The following IFITM10 variants were observed in gnomAD, a reference collection of about 807,000 sequenced individuals.
The protein encoded by IFITM10 is interferon induced transmembrane protein 10.
IFITM10 carries 17 observed loss-of-function variants against 19.0 expected under a neutral mutation model. The observed-to-expected ratio is 0.90, with a 90% CI of 0.61 to 1.34. IFITM10 has a LOEUF of 1.34. Ranked by LOEUF, IFITM10 falls within the 40% of genes most tolerant of loss-of-function variation. The pLI, the probability that IFITM10 is intolerant of heterozygous loss-of-function variation, is 0.00. For missense variants in IFITM10, 306 were observed against 319.8 expected, an observed-to-expected ratio of 0.96 and a Z score of 0.33; for synonymous variants, 148 against 147.2, an observed-to-expected ratio of 1.01 and a Z score of -0.04.
intron 2 of IFITM10, chr11:1,746,502 CAG>C: frequency 2.5e-6 from 1 of 398,438 alleles, no homozygotes. Context: ...GCCCCTGTGT[CAG>C]AGCCCAGGGA....
Position 1,735,355 on chromosome 11 carries a change from G to A in IFITM10, c.612C>T (p.Ile204=). 6.4e-7 allele frequency: 1 copy of A among 1,551,726 alleles called. No homozygotes were observed. The highest frequency in any genetic ancestry group is 1.2e-5 in the South Asian group (1 of 84,066). Reference sequence around the variant, plus strand: ...AGGAGGCTGCCAGGGCAGAACTGGTGATGTTGAACAGCCGGGCCGTCTTTG... The same window carrying A: ...AGGAGGCTGCCAGGGCAGAACTGGTAATGTTGAACAGCCGGGCCGTCTTTG... ...EDAKTARLFN[I]TSSALAASCI... The change falls in exon 3 of 3, where the codon ATC becomes ATT. Residue 204 remains isoleucine (I), a synonymous_variant. Coordinates refer to ENST00000340134, the MANE Select transcript of IFITM10 (RefSeq NM_001170820.4).
chr11:1,735,847 G>A (rs764478670), intron 2 of IFITM10, among the ~76,000 whole-genome samples: 13 of 152,160 alleles, frequency 8.5e-5, no homozygotes, highest in Non-Finnish European at 1.3e-4. Flanking sequence ...AGGATGGGGC[G>A]ACACAACTGT....
Position 1,734,706 on chromosome 11 carries a change from CG to C in IFITM10, c.*573del. 1 of 152,912 alleles carries C rather than the reference CG, an allele frequency of 6.5e-6. No homozygotes were observed. The highest frequency in any genetic ancestry group is 1.5e-5 in the Non-Finnish European group (1 of 68,504). The allele number at this position is 152,912 out of a possible 1,614,324, so 9.5% of individuals were successfully genotyped here. A position where few individuals can be genotyped will look rare whatever the true frequency, so the allele number is the denominator to read the frequency against. On this transcript the variant is annotated 3_prime_UTR_variant, in exon 3 of 3. Transcript: ENST00000340134. The stretch of plus-strand genomic sequence containing the variant: ...CTGCAGTCTGTTGGGACACAGCACC[CG>C]GGGCCCTGACCGCCAGGCAGTTCCT...
At chr11:1,742,759 C>G (rs1454381600) in intron 2 of IFITM10, among the ~76,000 whole-genome samples, 1 of 151,980 alleles carries the variant, frequency 6.6e-6, no homozygotes, top group Admixed American at 6.6e-5. Flanking sequence ...GGGAGGGGAG[C>G]CTGAATGATC....
chr11:1,750,179 C>T, intron 1 of IFITM10, 180 bp downstream of exon 1: 1 of 604,638 alleles, frequency 1.7e-6, no homozygotes, highest in Non-Finnish European at 2.1e-6. Flanking sequence ...CCAGCCTCAG[C>T]CGCCTCCGCT....
intron 2 of IFITM10, chr11:1,744,227 C>A (rs1845609941): frequency 6.6e-6 from 1 of 152,366 alleles, no homozygotes; most frequent in African/African-American, 2.4e-5. Context: ...CATGTCCTGA[C>A]CCATCTGTTG....
chr11:1,742,005 C>T (rs1182173856), intron 2 of IFITM10, among the ~76,000 whole-genome samples: 1 of 152,178 alleles, frequency 6.6e-6, no homozygotes, highest in Non-Finnish European at 1.5e-5. Flanking sequence ...AGACTTCGAG[C>T]CTCCGGAACA....
At chr11:1,749,086 G>A in intron 1 of IFITM10, 2 of 1,145,662 alleles carry the variant, frequency 1.7e-6, no homozygotes, top group South Asian at 1.7e-5. Context: ...CCGTCCCGCG[G>A]GCCGCTGTCT....
At chr11:1,736,564 G>T (rs1404378767) in intron 2 of IFITM10, among the ~76,000 whole-genome samples, 2 of 152,150 alleles carry the variant, frequency 1.3e-5, no homozygotes, top group Admixed American at 6.5e-5. Context: ...CAAATGCAGT[G>T]AAGTGAAATA....
intron 2 of IFITM10, among the ~76,000 whole-genome samples, chr11:1,736,552 A>G (rs937670536): frequency 6.6e-6 from 1 of 152,202 alleles, no homozygotes. Context: ...AATGAAGTGG[A>G]GCAAATGCAG....
At chr11:1,749,121 C>T in intron 1 of IFITM10, 1 of 1,068,816 alleles carries the variant, frequency 9.4e-7, no homozygotes, top group South Asian at 2.3e-5. Flanking sequence ...CTCCCAGCGG[C>T]CCAACCTTGA....
chr11:1,749,257 A>T, intron 1 of IFITM10: 1 of 223,754 alleles, frequency 4.5e-6, no homozygotes, highest in Non-Finnish European at 7.5e-6. Context: ...GGCAGCGGGC[A>T]CAGCCACCTC....
chr11:1,740,255 G>T (rs1312018734), intron 2 of IFITM10, among the ~76,000 whole-genome samples: 1 of 137,434 alleles, frequency 7.3e-6, no homozygotes, highest in African/African-American at 2.9e-5. Flanking sequence ...AGCCAACATT[G>T]TGCCACTGCA....
chr11:1,747,583 G>T, intron 2 of IFITM10, 84 bp downstream of exon 2: 1 of 1,235,332 alleles, frequency 8.1e-7, no homozygotes. Flanking sequence ...AGAGGGAGAG[G>T]GGCCGAGCGC....
chr11:1,743,989 C>T (rs550229993), intron 2 of IFITM10, among the ~76,000 whole-genome samples: 3 of 152,324 alleles, frequency 2.0e-5, no homozygotes, highest in Admixed American at 6.5e-5. Flanking sequence ...GGACAGGGGC[C>T]TTGCCGACCC....
At chr11:1,746,749 AG>A in intron 2 of IFITM10, 1 of 398,882 alleles carries the variant, frequency 2.5e-6, no homozygotes, top group Non-Finnish European at 4.4e-6. Context: ...CCCACCCGGC[AG>A]GGCAGCTGCA....
intron 1 of IFITM10, among the ~76,000 whole-genome samples, chr11:1,750,105 A>T (rs1426891053): frequency 6.6e-6 from 1 of 151,816 alleles, no homozygotes; most frequent in African/African-American, 2.4e-5. Flanking sequence ...AGCCCTTCTG[A>T]GCCTGGTCCC....
chr11:1,735,471 G>A lies in IFITM10; in HGVS notation c.538-42C>T, dbSNP rs1396069152. On this transcript the variant is annotated intron_variant, in intron 2 of 2. Coordinates refer to ENST00000340134, the MANE Select transcript of IFITM10 (RefSeq NM_001170820.4). ...GACAGGAAATGGGCAGTCAGCCAGG[G>A]AGCAGGGCCTTGGAGCATCCAGGAG... 1.9e-6 allele frequency: 3 copies of A among 1,541,104 alleles called. No homozygotes were observed. The African/African-American group carries it at 4.1e-5, about 21-fold the overall frequency.
rs1006311624 is a variant in IFITM10 at position 1,748,192 on chromosome 11, C to G, written c.85-73G>C. The G allele has an allele frequency of 1.3e-5, 14 of 1,113,990 alleles. No homozygotes were observed. The Admixed American group carries it at 1.9e-4, about 15-fold the overall frequency. 69.0% of individuals were successfully genotyped at this position (1,113,990 alleles called of 1,614,324 possible). ...CACCCACCCTCACGCCCAGCAGCTCCGAGAACAGCCCCAGTGGAGACGGAA... is the reference window on the plus strand; with the variant it reads ...CACCCACCCTCACGCCCAGCAGCTCGGAGAACAGCCCCAGTGGAGACGGAA... On this transcript the variant is annotated intron_variant, in intron 1 of 2. Coordinates refer to ENST00000340134, the MANE Select transcript of IFITM10 (RefSeq NM_001170820.4).
Sources: gnomAD v4.1 joint callset for allele counts (sites outside exome capture counted in the v4.1 genomes callset) on GRCh38, gnomAD v4.1.1 for gene constraint, MANE v1.5 for transcripts, NCBI Gene and HGNC (gene_info 2026-07-23, HGNC 2026-07-21) for gene names.